UMAD1: variants seen among roughly 807,000 people sequenced by gnomAD.
The protein encoded by UMAD1 is UBAP1-MVB12-associated (UMA) domain containing 1, also known as UBAP1-MVB12-associated (UMA)-domain containing protein 1.
UMAD1 carries 8 observed loss-of-function variants against 6.1 expected under a neutral mutation model. That is an observed-to-expected ratio of 1.30 (90% CI 0.76 to 2.35). UMAD1 has a LOEUF of 2.35. Among genes scored for constraint, UMAD1 ranks in the 30% most tolerant of loss-of-function variants. The probability of loss-of-function intolerance (pLI) is 0.00; values close to 1 mark genes in which losing one functional copy is unlikely to be tolerated. For synonymous variants in UMAD1, 56 were observed against 31.4 expected (o/e 1.78, Z -2.61); for missense variants, 130 against 78.4 (o/e 1.66, Z -2.49).
rs1414375858 is a variant in UMAD1, at chr7:7,673,464, T to G, written c.82+11T>G. ...GATTCGTCCTTTTAGGTGAGTCTTT[T>G]TAAGAAACAAAATAATTAGATGAAT... is the stretch of plus-strand genomic sequence containing the variant. On this transcript the variant is annotated intron_variant, in intron 2 of 3. Coordinates refer to ENST00000682710, the MANE Select transcript of UMAD1 (RefSeq NM_001302348.2). 3.8e-6 allele frequency: 3 copies of G among 783,800 alleles called. No individual in the cohort carries two copies. The highest frequency in any genetic ancestry group is 6.5e-6 in the Non-Finnish European group (3 of 459,450). 48.6% of individuals were successfully genotyped at this position (783,800 alleles called of 1,614,324 possible).
intron 2 of UMAD1, among the ~76,000 whole-genome samples, chr7:7,719,829 G>T (rs1431138500): frequency 6.6e-6 from 1 of 152,128 alleles, no homozygotes; most frequent in Non-Finnish European, 1.5e-5. Context: ...TAATTAAATT[G>T]TCTAGACTAT....
intron 2 of UMAD1, among the ~76,000 whole-genome samples, chr7:7,755,530 A>T (rs1781760531): frequency 6.6e-6 from 1 of 152,236 alleles, no homozygotes; most frequent in African/African-American, 2.4e-5. Flanking sequence ...TTAAAAAATC[A>T]GTGTGCAAAA....
intron 2 of UMAD1, among the ~76,000 whole-genome samples, chr7:7,801,144 T>A (rs1317435944): frequency 6.6e-6 from 1 of 152,222 alleles, no homozygotes; most frequent in Non-Finnish European, 1.5e-5. Flanking sequence ...AATCAAAGTA[T>A]TAAGTGAAGG....
chr7:7,679,643 T>G (rs1779852013), intron 2 of UMAD1, among the ~76,000 whole-genome samples: 1 of 95,008 alleles, frequency 1.1e-5, no homozygotes, highest in Non-Finnish European at 1.9e-5. Flanking sequence ...ATTTAATTTA[T>G]AGATAAATAT....
At chr7:7,671,791 C>A (rs1779611492) in intron 1 of UMAD1, among the ~76,000 whole-genome samples, 1 of 152,072 alleles carries the variant, frequency 6.6e-6, no homozygotes, top group South Asian at 2.1e-4. Flanking sequence ...ATAGAGAGTG[C>A]CAAACTGTTT....
intron 2 of UMAD1, among the ~76,000 whole-genome samples, chr7:7,695,981 GTT>G (rs34880729): frequency 2.3e-5 from 3 of 130,736 alleles, no homozygotes; most frequent in African/African-American, 5.7e-5. Flanking sequence ...GTATATCTCC[GTT>G]TTTTTTTTTT....
chr7:7,737,341 T>C (rs563901248), intron 2 of UMAD1, among the ~76,000 whole-genome samples: 10 of 152,220 alleles, frequency 6.6e-5, no homozygotes, highest in Non-Finnish European at 1.5e-4. Flanking sequence ...ATAACTTATG[T>C]AAACTAAAAT....
chr7:7,773,559 A>T (rs1397107594), intron 2 of UMAD1, among the ~76,000 whole-genome samples: 9 of 150,906 alleles, frequency 6.0e-5, no homozygotes, highest in Non-Finnish European at 1.2e-4. Flanking sequence ...CTTAATTTCT[A>T]AAAAAAAACA....
rs910325653 is a variant in UMAD1, at chr7:7,877,720, C to T, written c.*182C>T. On this transcript the variant is annotated 3_prime_UTR_variant, in exon 4 of 4. Coordinates refer to ENST00000682710, the MANE Select transcript of UMAD1 (RefSeq NM_001302348.2). ...AAGGTACATTTGTATACAAATTGAACTTAAGTTCTACTTCCTTTCTCCCAT... is the reference window on the plus strand; with the variant it reads ...AAGGTACATTTGTATACAAATTGAATTTAAGTTCTACTTCCTTTCTCCCAT... 5 of 560,116 alleles carry T rather than the reference C, an allele frequency of 8.9e-6. No individual in the cohort carries two copies. Among genetic ancestry groups the T allele is most frequent in the Non-Finnish European group, 1.3e-5 (4 of 315,854 alleles). The allele number at this position is 560,116 out of a possible 1,614,324, so 34.7% of individuals were successfully genotyped here. A position where few individuals can be genotyped will look rare whatever the true frequency, so the allele number is the denominator to read the frequency against.
At chr7:7,729,080 A>G (rs1563160205) in intron 2 of UMAD1, among the ~76,000 whole-genome samples, 1 of 152,234 alleles carries the variant, frequency 6.6e-6, no homozygotes, top group Non-Finnish European at 1.5e-5. Context: ...TGTGTCGGAA[A>G]TGGAAACGTG....
At position 7,816,038 on chromosome 7, in the gene UMAD1, TA is replaced by T. The variant is rs567921125; in HGVS notation, c.156+14304del. Among the ~76,000 whole-genome samples, 89 of 151,838 alleles carry T rather than the reference TA, an allele frequency of 5.9e-4. 2 individuals are homozygous for T. The South Asian group carries it at 0.018, about 30-fold the overall frequency. ...CAAGAAATAAAGAAGGACATTAATT[TA>T]AAAAAAAATCTTGGATAAGCTAAGC... On this transcript the variant is annotated intron_variant, in intron 3 of 3. Transcript: ENST00000682710.
chr7:7,687,883 G>A (rs1202122481), intron 2 of UMAD1, among the ~76,000 whole-genome samples: 1 of 152,162 alleles, frequency 6.6e-6, no homozygotes, highest in African/African-American at 2.4e-5. Context: ...TTTATGGAAC[G>A]ACTTATTTTT....
At chr7:7,771,714 T>C (rs1247051977) in intron 2 of UMAD1, among the ~76,000 whole-genome samples, 1 of 152,146 alleles carries the variant, frequency 6.6e-6, no homozygotes, top group Non-Finnish European at 1.5e-5. Context: ...AGCAATCAAA[T>C]AATTCATCCA....
At chr7:7,854,427 C>T (rs1001735032) in intron 3 of UMAD1, among the ~76,000 whole-genome samples, 2 of 150,802 alleles carry the variant, frequency 1.3e-5, no homozygotes, top group African/African-American at 2.4e-5. Context: ...GAGGAGGCCT[C>T]AGAAAACTTA....
At position 7,773,073 on chromosome 7, in the gene UMAD1, A is replaced by G. The variant is rs138988878; in HGVS notation, c.83-28597A>G. Among the ~76,000 whole-genome samples the G allele has an allele frequency of 1.1e-4, 16 of 152,346 alleles. No homozygotes were observed. The East Asian group carries it at 2.7e-3, about 26-fold the overall frequency. The stretch of plus-strand genomic sequence containing the variant: ...TATAGAATAATTGCTTGTTTTTGTA[A>G]CAAGTGCAAACTAAAAACTACAGGT... On this transcript the variant is annotated intron_variant, in intron 2 of 3. Transcript: ENST00000682710.
intron 3 of UMAD1, among the ~76,000 whole-genome samples, chr7:7,834,684 C>A (rs1251765367): frequency 6.6e-6 from 1 of 152,132 alleles, no homozygotes; most frequent in African/African-American, 2.4e-5. Context: ...AGGGCCCTAC[C>A]CTTATGAATT....
chr7:7,717,045 T>G (rs1167282404), intron 2 of UMAD1, among the ~76,000 whole-genome samples: 1 of 150,616 alleles, frequency 6.6e-6, no homozygotes, highest in Non-Finnish European at 1.5e-5. Context: ...TTCCTTTTTC[T>G]TTCTTTCTTT....
intron 2 of UMAD1, among the ~76,000 whole-genome samples, chr7:7,704,378 G>A (rs1458858678): frequency 1.3e-5 from 2 of 151,856 alleles, no homozygotes; most frequent in Non-Finnish European, 2.9e-5. Flanking sequence ...TATAACTGAC[G>A]TAAGAGTCCT....
chr7:7,659,536 T>G (rs1416939715), intron 1 of UMAD1, among the ~76,000 whole-genome samples: 2 of 152,204 alleles, frequency 1.3e-5, no homozygotes, highest in African/African-American at 4.8e-5. Context: ...AAGAACATCT[T>G]TATTTCTGCC....
Sources: gnomAD v4.1 joint callset for allele counts (sites outside exome capture counted in the v4.1 genomes callset) on GRCh38, gnomAD v4.1.1 for gene constraint, MANE v1.5 for transcripts, NCBI Gene and HGNC (gene_info 2026-07-23, HGNC 2026-07-21) for gene names.